ADCY9: variants seen among roughly 807,000 people sequenced by gnomAD.
The protein encoded by ADCY9 is adenylate cyclase 9.
In ADCY9, 50 loss-of-function variants were observed where a neutral mutation model predicts 101.5. The ratio of observed to expected loss-of-function variants is 0.49; its 90% CI spans 0.39 to 0.62. The LOEUF (loss-of-function observed/expected upper bound fraction) is 0.62, where lower values mean the gene tolerates loss of function less well. Among genes scored for constraint, ADCY9 ranks in the 20% least tolerant of loss-of-function variants. The pLI, the probability that ADCY9 is intolerant of heterozygous loss-of-function variation, is 0.00. For synonymous variants in ADCY9, 905 were observed against 769.3 expected, an observed-to-expected ratio of 1.18 and a Z score of -2.92; for missense variants, 1,662 against 1,800.4, an observed-to-expected ratio of 0.92 and a Z score of 1.39.
At position 3,974,738 on chromosome 16, in the gene ADCY9, T is replaced by C. The variant is rs775235919; in HGVS notation, c.2829-28A>G. 7.5e-6 allele frequency: 12 copies of C among 1,595,920 alleles called. No homozygotes were observed. The African/African-American group carries it at 1.3e-4, about 18-fold the overall frequency. ...GAAATTAAAATGCAGAAAAATATTA[T>C]CATAAAGAGCAAAGAAGGCATTCCA... On this transcript the variant is annotated intron_variant, in intron 9 of 10. Coordinates refer to ENST00000294016, the MANE Select transcript of ADCY9 (RefSeq NM_001116.4).
intron 2 of ADCY9, among the ~76,000 whole-genome samples, chr16:4,049,967 G>A (rs147594977): frequency 6.0e-5 from 9 of 150,732 alleles, no homozygotes; most frequent in Non-Finnish European, 1.0e-4. Context: ...GGAGTTAGTG[G>A]CTGCAGTGAG....
At chr16:4,052,790 A>G (rs145318472) in intron 2 of ADCY9, among the ~76,000 whole-genome samples, 2 of 152,338 alleles carry the variant, frequency 1.3e-5, no homozygotes, top group Non-Finnish European at 2.9e-5. Context: ...GGCTTTTTCT[A>G]CAATACTAAA....
intron 2 of ADCY9, among the ~76,000 whole-genome samples, chr16:4,051,392 C>T (rs1016764016): frequency 1.2e-4 from 18 of 151,944 alleles, no homozygotes; most frequent in Middle Eastern, 3.4e-3. Context: ...GGCGTGGTGG[C>T]GGGCGCCTGT....
chr16:4,026,956 A>T (rs2056519873), intron 2 of ADCY9, among the ~76,000 whole-genome samples: 1 of 152,194 alleles, frequency 6.6e-6, no homozygotes, highest in South Asian at 2.1e-4. Flanking sequence ...GTGGCAGATG[A>T]AAAATGGAAA....
Position 4,042,784 on chromosome 16 carries a change from T to C in ADCY9, c.1694-35226A>G, listed in dbSNP as rs1272377457. Among the ~76,000 whole-genome samples, 8 of 152,208 alleles carry C rather than the reference T, an allele frequency of 5.3e-5. No homozygotes were observed. In the South Asian group the frequency reaches 1.0e-3, roughly 20 times the overall value. On this transcript the variant is annotated intron_variant, in intron 2 of 10. Transcript: ENST00000294016. The stretch of plus-strand genomic sequence containing the variant: ...TGTTCCAAGAGGTTTTTATTTACAG[T>C]GTAGGATGTGACTTTACCTATAAAA...
chr16:4,004,544 T>C (rs531669132), intron 3 of ADCY9, among the ~76,000 whole-genome samples: 1 of 152,356 alleles, frequency 6.6e-6, no homozygotes, highest in African/African-American at 2.4e-5. Context: ...TTCGCCTGGC[T>C]CTGCAGAGCT....
At chr16:4,013,187 G>A (rs915785091) in intron 2 of ADCY9, among the ~76,000 whole-genome samples, 3 of 152,014 alleles carry the variant, frequency 2.0e-5, no homozygotes, top group Non-Finnish European at 4.4e-5. Context: ...GGTTGAGGCT[G>A]CAGTGAGCTG....
chr16:3,969,584 AT>A (rs2056030819), intron 10 of ADCY9, among the ~76,000 whole-genome samples: 1 of 77,768 alleles, frequency 1.3e-5, no homozygotes, highest in African/African-American at 6.6e-5. Context: ...ATATATATAT[AT>A]ATATATATAT....
intron 7 of ADCY9, chr16:3,982,383 C>A (rs1158136158): frequency 6.6e-6 from 1 of 152,498 alleles, no homozygotes; most frequent in Non-Finnish European, 1.5e-5. Flanking sequence ...CTCCGGGGCA[C>A]CGTTGCTAGT....
chr16:4,058,859 A>G (rs2056757261), intron 2 of ADCY9, among the ~76,000 whole-genome samples: 1 of 152,178 alleles, frequency 6.6e-6, no homozygotes, highest in African/African-American at 2.4e-5. Flanking sequence ...CAAGGGAGCT[A>G]AAGGAAGTCT....
At chr16:4,111,247 G>A (rs2057111885) in intron 2 of ADCY9, among the ~76,000 whole-genome samples, 2 of 152,000 alleles carry the variant, frequency 1.3e-5, no homozygotes, top group South Asian at 2.1e-4. Flanking sequence ...GGGTAAGAGG[G>A]AAAGGCTAAT....
rs534067960 is a variant in ADCY9 at position 3,972,647 on chromosome 16, G to GA, written c.2870+2021dup. ...CATGGAGAAGAGGGATTGAAAAACT[G>GA]AAAAAAATAGAAAGCAAACATCACT... On this transcript the variant is annotated intron_variant, in intron 10 of 10. Transcript: ENST00000294016. Among the ~76,000 whole-genome samples the GA allele has an allele frequency of 2.2e-4, 34 of 152,262 alleles. No individual in the cohort carries two copies. The East Asian group carries it at 4.4e-3, about 20-fold the overall frequency.
intron 2 of ADCY9, among the ~76,000 whole-genome samples, chr16:4,061,620 T>A (rs1467065417): frequency 1.3e-5 from 2 of 151,888 alleles, no homozygotes; most frequent in Non-Finnish European, 2.9e-5. Flanking sequence ...ATCAAAACCA[T>A]ACCCCAAAAC....
intron 2 of ADCY9, among the ~76,000 whole-genome samples, chr16:4,103,262 G>A (rs1024537112): frequency 1.3e-5 from 2 of 152,200 alleles, no homozygotes; most frequent in African/African-American, 2.4e-5. Flanking sequence ...CCCAGCTAGC[G>A]AAGCAGTACT....
At chr16:4,113,720 G>C in intron 2 of ADCY9, 30 bp downstream of exon 2, 7 of 1,590,078 alleles carry the variant, frequency 4.4e-6, no homozygotes, top group Non-Finnish European at 6.0e-6. Context: ...ATCAGGGAGG[G>C]GGGATGCCGA....
At chr16:4,050,543 C>T (rs1396270505) in intron 2 of ADCY9, among the ~76,000 whole-genome samples, 7 of 151,688 alleles carry the variant, frequency 4.6e-5, no homozygotes, top group Non-Finnish European at 8.8e-5. Context: ...GGTGAAACCC[C>T]GTCTCTACTA....
At position 3,989,113 on chromosome 16, in the gene ADCY9, A is replaced by G. The variant is rs1399414664; in HGVS notation, c.2208-17T>C. ...TTCATCAGGCTAGAAGACACAACAA[A>G]TGCAGTCGATCAATACCCAGCACCA... On this transcript the variant is annotated splice_polypyrimidine_tract_variant and intron_variant, in intron 5 of 10. Transcript: ENST00000294016. 1 of 1,564,444 alleles carries G rather than the reference A, an allele frequency of 6.4e-7. No individual in the cohort carries two copies. The highest frequency in any genetic ancestry group is 8.8e-7 in the Non-Finnish European group (1 of 1,135,042).
Position 3,983,415 on chromosome 16 carries a change from G to A in ADCY9, c.2336C>T (p.Thr779Met), listed in dbSNP as rs1170328809. 4 of 1,606,878 alleles carry A rather than the reference G, an allele frequency of 2.5e-6. No homozygotes were observed. Among genetic ancestry groups the A allele is most frequent in the East Asian group, 2.2e-5 (1 of 44,656 alleles). ...GGAGCTGAAGGTGGGACTAGCAAAC[G>A]TCTTCACGGGGGAGTTCTTTATGAC... ...EEVIKNSPVK[T>M]FASPTFSSLL... Residue 779 changes from threonine to methionine, a missense_variant, in exon 7 of 11, where the codon ACG (threonine) becomes ATG (methionine). Around this residue, in one of 5 missense-constraint regions of ADCY9, gnomAD observed 624 missense variants for 639.1 expected, o/e 0.98. Transcript: ENST00000294016.
chr16:4,027,513 A>T (rs1389786483), intron 2 of ADCY9, among the ~76,000 whole-genome samples: 1 of 152,228 alleles, frequency 6.6e-6, no homozygotes, highest in Non-Finnish European at 1.5e-5. Context: ...GAGGGCAAGG[A>T]GGAGCAAGTC....
Sources: allele counts gnomAD v4.1 joint callset (sites outside exome capture counted in the v4.1 genomes callset), GRCh38; gene constraint gnomAD v4.1.1; regional missense constraint gnomAD v4.1.1; transcripts MANE v1.5; gene names NCBI Gene and HGNC (gene_info 2026-07-23, HGNC 2026-07-21).